The following DIAPH2 variants were observed in gnomAD, a reference collection of about 807,000 sequenced individuals.
The protein encoded by DIAPH2 is protein diaphanous homolog 2.
DIAPH2 carries 35 observed loss-of-function variants against 92.7 expected under a neutral mutation model. That is an observed-to-expected ratio of 0.38 (90% CI 0.29 to 0.50). DIAPH2 has a LOEUF of 0.50. Among genes scored for constraint, DIAPH2 ranks in the 20% least tolerant of loss-of-function variants. DIAPH2 has a pLI of 0.94. For missense variants in DIAPH2, 701 were observed against 819.5 expected (o/e 0.86, Z 1.77); for synonymous variants, 301 against 280.4 (o/e 1.07, Z -0.73).
chrX:96,930,049 A>C (rs1471468059), intron 9 of DIAPH2, among the ~76,000 whole-genome samples: 1 of 110,740 alleles, frequency 9.0e-6, no homozygotes, highest in African/African-American at 3.3e-5. Flanking sequence ...TTTCGGTATC[A>C]ATATATTTAA....
At chrX:97,167,754 T>A (rs895633746) in intron 22 of DIAPH2, among the ~76,000 whole-genome samples, 2 of 111,710 alleles carry the variant, frequency 1.8e-5, no homozygotes, top group Non-Finnish European at 3.8e-5. Context: ...CTAGCCAACA[T>A]TTGGTCCTGT....
At position 96,742,383 on chromosome X, in the gene DIAPH2, C is replaced by G. The variant is rs1270319124; in HGVS notation, c.342+3621C>G. Reference sequence around the variant, plus strand: ...CCCCTAATTGATCTTCCTGCTTTCACTCATGACCCTCTATTCTTAGCACAG... The same window carrying G: ...CCCCTAATTGATCTTCCTGCTTTCAGTCATGACCCTCTATTCTTAGCACAG... On this transcript the variant is annotated intron_variant, in intron 3 of 26. Coordinates refer to ENST00000324765, the MANE Select transcript of DIAPH2 (RefSeq NM_006729.5). Among the ~76,000 whole-genome samples, 3 of 111,784 alleles carry G rather than the reference C, an allele frequency of 2.7e-5. No individual in the cohort carries two copies. In the East Asian group the frequency reaches 8.4e-4, roughly 31 times the overall value.
intron 23 of DIAPH2, among the ~76,000 whole-genome samples, chrX:97,298,771 C>A (rs1334245972): frequency 1.8e-5 from 2 of 109,905 alleles, no homozygotes; most frequent in Non-Finnish European, 3.8e-5. Flanking sequence ...TCCACCACCA[C>A]GCCCAGCTAA....
intron 1 of DIAPH2, among the ~76,000 whole-genome samples, chrX:96,704,819 G>C (rs918594512): frequency 1.8e-5 from 2 of 110,622 alleles, no homozygotes; most frequent in African/African-American, 6.6e-5. Flanking sequence ...CTCAGTATTC[G>C]GTAAGTTCCA....
At chrX:97,562,217 C>T (rs1231662582) in intron 26 of DIAPH2, among the ~76,000 whole-genome samples, 1 of 110,039 alleles carries the variant, frequency 9.1e-6, no homozygotes, top group Non-Finnish European at 1.9e-5. Flanking sequence ...ATGTGATGGC[C>T]GGGCGCGGTG....
rs764392326 is a variant in DIAPH2 at position 97,045,707 on chromosome X, C to G, written c.2051-27234C>G. ...TGCTACTAAGAGTTTGAACTAGATGCCATGTTGGTGTGAGTTGAAGAATAC... is the reference window on the plus strand; with the variant it reads ...TGCTACTAAGAGTTTGAACTAGATGGCATGTTGGTGTGAGTTGAAGAATAC... On this transcript the variant is annotated intron_variant, in intron 17 of 26. Coordinates refer to ENST00000324765, the MANE Select transcript of DIAPH2 (RefSeq NM_006729.5). 8.1e-5 allele frequency among the ~76,000 whole-genome samples: 9 copies of G among 110,619 alleles called. No homozygotes were observed. The East Asian group carries it at 2.6e-3, about 31-fold the overall frequency.
Position 97,602,590 on chromosome X carries a change from A to T in DIAPH2, c.*3273A>T, listed in dbSNP as rs992360020. 1.8e-5 allele frequency: 2 copies of T among 112,103 alleles called. No homozygotes were observed. The highest frequency in any genetic ancestry group is 3.8e-5 in the Non-Finnish European group (2 of 53,203). 9.2% of individuals were successfully genotyped at this position (112,103 alleles called of 1,213,427 possible). On this transcript the variant is annotated 3_prime_UTR_variant, in exon 27 of 27. Transcript: ENST00000324765. ...TGTTATATTTCAAGGCCTGGCAGTA[A>T]TCCTCTTTCTCAGGGCTCCACCCTT...
rs1351503141 is a variant in DIAPH2 at position 96,861,555 on chromosome X, T to C, written c.448-20024T>C. Among the ~76,000 whole-genome samples, 18 of 111,972 alleles carry C rather than the reference T, an allele frequency of 1.6e-4. No individual in the cohort carries two copies. The Admixed American group carries it at 1.7e-3, about 11-fold the overall frequency. Reference sequence around the variant, plus strand: ...CACCTTGATTACAATAGCAGTCTCCTAACTGGTCTCTTTCCTTCCATCCTT... The same window carrying C: ...CACCTTGATTACAATAGCAGTCTCCCAACTGGTCTCTTTCCTTCCATCCTT... On this transcript the variant is annotated intron_variant, in intron 4 of 26. Transcript: ENST00000324765.
intron 19 of DIAPH2, among the ~76,000 whole-genome samples, chrX:97,088,897 C>T (rs894555285): frequency 9.0e-6 from 1 of 111,416 alleles, no homozygotes; most frequent in Non-Finnish European, 1.9e-5. Flanking sequence ...TCCCGGGTTT[C>T]ATCTGCCTAT....
chrX:96,714,265 G>GTTT (rs756277085), intron 1 of DIAPH2, among the ~76,000 whole-genome samples: 6 of 87,744 alleles, frequency 6.8e-5, no homozygotes, highest in Non-Finnish European at 6.8e-5. Context: ...TTGTGTGTGT[G>GTTT]TTTTTTTTTT....
intron 9 of DIAPH2, among the ~76,000 whole-genome samples, chrX:96,927,285 T>A (rs1281577314): frequency 2.3e-5 from 1 of 44,249 alleles, no homozygotes; most frequent in Non-Finnish European, 5.8e-5. Context: ...GAGTTGAATT[T>A]TTTTTTTTTT....
chrX:96,956,386 G>A (rs750407555), intron 15 of DIAPH2, among the ~76,000 whole-genome samples: 2 of 112,127 alleles, frequency 1.8e-5, no homozygotes, highest in South Asian at 7.6e-4. Context: ...TGCCATGAAA[G>A]TCTCTGACAT....
chrX:96,973,727 C>T (rs1308341904), intron 17 of DIAPH2, among the ~76,000 whole-genome samples: 1 of 82,571 alleles, frequency 1.2e-5, no homozygotes, highest in African/African-American at 5.0e-5. Context: ...TAGAGTTTCG[C>T]TCTTGTTGCC....
At chrX:97,183,803 G>T (rs1242559450) in intron 22 of DIAPH2, among the ~76,000 whole-genome samples, 2 of 111,858 alleles carry the variant, frequency 1.8e-5, no homozygotes, top group Non-Finnish European at 3.8e-5. Context: ...TACTCATTAA[G>T]ATAAATATGT....
At chrX:97,288,330 G>A (rs1414251948) in intron 23 of DIAPH2, among the ~76,000 whole-genome samples, 1 of 111,572 alleles carries the variant, frequency 9.0e-6, no homozygotes, top group Non-Finnish European at 1.9e-5. Flanking sequence ...CGTGGAAGCA[G>A]TAAGGTTAAA....
chrX:97,118,826 G>T (rs769989048), intron 21 of DIAPH2, among the ~76,000 whole-genome samples: 4 of 112,234 alleles, frequency 3.6e-5, no homozygotes, highest in Admixed American at 9.4e-5. Flanking sequence ...GGAGAACATT[G>T]TGGCTTGGAA....
intron 24 of DIAPH2, among the ~76,000 whole-genome samples, chrX:97,353,086 G>A (rs1446777504): frequency 9.1e-6 from 1 of 109,452 alleles, no homozygotes; most frequent in African/African-American, 3.3e-5. Flanking sequence ...TAAAAGCTCT[G>A]ACTTGACGAC....
At chrX:96,985,372 A>G (rs967801267) in intron 17 of DIAPH2, among the ~76,000 whole-genome samples, 13 of 110,833 alleles carry the variant, frequency 1.2e-4, no homozygotes, top group African/African-American at 4.3e-4. Context: ...TTTTTGTAGA[A>G]TCAAGTCTTG....
chrX:97,460,285 C>T (rs760148414), intron 26 of DIAPH2, among the ~76,000 whole-genome samples: 19 of 111,779 alleles, frequency 1.7e-4, no homozygotes, highest in Non-Finnish European at 3.4e-4. Flanking sequence ...CCCCTCCCAC[C>T]TGACTGTCTC....
Sources: gnomAD v4.1 joint callset for allele counts (sites outside exome capture counted in the v4.1 genomes callset) on GRCh38, gnomAD v4.1.1 for gene constraint, MANE v1.5 for transcripts, NCBI Gene and HGNC (gene_info 2026-07-23, HGNC 2026-07-21) for gene names.